The following CCDC148 variants were observed in gnomAD, a reference collection of about 807,000 sequenced individuals.
The protein encoded by CCDC148 is coiled-coil domain containing 148.
In CCDC148, 89 loss-of-function variants were observed where a neutral mutation model predicts 85.7. The observed-to-expected ratio is 1.04, with a 90% CI of 0.87 to 1.24. The LOEUF is 1.24. Among genes scored for constraint, CCDC148 ranks in the 50% most tolerant of loss-of-function variants. The probability of loss-of-function intolerance (pLI) is 0.00; values close to 1 mark genes in which losing one functional copy is unlikely to be tolerated. For missense variants in CCDC148, 692 were observed against 671.7 expected, an observed-to-expected ratio of 1.03 and a Z score of -0.33; for synonymous variants, 230 against 213.9, an observed-to-expected ratio of 1.08 and a Z score of -0.66.
At chr2:158,347,695 A>C (rs984826374) in intron 2 of CCDC148, among the ~76,000 whole-genome samples, 29 of 152,132 alleles carry the variant, frequency 1.9e-4, no homozygotes, top group Non-Finnish European at 1.5e-5. Flanking sequence ...GTGATGGTCC[A>C]AGATAATAAA....
chr2:158,295,199 C>A (rs1172183237), intron 9 of CCDC148, among the ~76,000 whole-genome samples: 1 of 151,918 alleles, frequency 6.6e-6, no homozygotes, highest in Non-Finnish European at 1.5e-5. Context: ...CTGAAGAGAC[C>A]AATAACAGGA....
intron 1 of CCDC148, among the ~76,000 whole-genome samples, chr2:158,450,882 AT>A (rs1316031242): frequency 1.3e-5 from 2 of 151,944 alleles, no homozygotes; most frequent in Admixed American, 6.6e-5. Context: ...TTCTTCAAAT[AT>A]TTTTTCTATA....
At chr2:158,216,479 C>T (rs1402666919) in intron 11 of CCDC148, among the ~76,000 whole-genome samples, 1 of 145,502 alleles carries the variant, frequency 6.9e-6, no homozygotes, top group South Asian at 2.2e-4. Flanking sequence ...TCACTGCAAC[C>T]TCCGCCTCCT....
At chr2:158,318,082 G>A (rs1261716421) in intron 7 of CCDC148, among the ~76,000 whole-genome samples, 1 of 152,032 alleles carries the variant, frequency 6.6e-6, no homozygotes, top group Non-Finnish European at 1.5e-5. Context: ...TTCTTTCCAA[G>A]ACAGAACCAT....
intron 11 of CCDC148, among the ~76,000 whole-genome samples, chr2:158,211,953 T>C (rs1271126300): frequency 2.0e-5 from 3 of 152,228 alleles, no homozygotes; most frequent in African/African-American, 7.2e-5. Flanking sequence ...TGTGTATCCA[T>C]GTCCCAATGT....
intron 9 of CCDC148, chr2:158,288,648 G>T: frequency 4.5e-6 from 1 of 222,518 alleles, no homozygotes; most frequent in South Asian, 5.0e-5. Flanking sequence ...AAAGTCTCTA[G>T]GAGGTTCCAA....
At chr2:158,343,395 T>G (rs1042744334) in intron 3 of CCDC148, among the ~76,000 whole-genome samples, 1 of 152,238 alleles carries the variant, frequency 6.6e-6, no homozygotes, top group African/African-American at 2.4e-5. Flanking sequence ...GATTCTCATC[T>G]GTAAAACTGA....
intron 11 of CCDC148, among the ~76,000 whole-genome samples, chr2:158,214,118 T>C (rs1686721215): frequency 1.2e-5 from 1 of 85,310 alleles, no homozygotes; most frequent in Non-Finnish European, 2.4e-5. Context: ...ATAAACATTG[T>C]GGTAAAAAAA....
chr2:158,242,025 CTTT>C (rs1688371586), intron 10 of CCDC148, among the ~76,000 whole-genome samples: 1 of 152,132 alleles, frequency 6.6e-6, no homozygotes, highest in East Asian at 1.9e-4. Context: ...AGATTCTTTG[CTTT>C]AAAGTGGATA....
At chr2:158,251,597 A>G (rs1461155865) in intron 9 of CCDC148, among the ~76,000 whole-genome samples, 3 of 151,868 alleles carry the variant, frequency 2.0e-5, no homozygotes, top group Non-Finnish European at 4.4e-5. Flanking sequence ...TGTGCACTAC[A>G]GTGCTGTTTA....
At chr2:158,408,749 TA>T (rs1392310784) in intron 1 of CCDC148, among the ~76,000 whole-genome samples, 1 of 152,092 alleles carries the variant, frequency 6.6e-6, no homozygotes, top group African/African-American at 2.4e-5. Context: ...TGAATACATA[TA>T]TTTTTTGAAT....
chr2:158,388,213 G>T (rs1574735942), intron 1 of CCDC148, among the ~76,000 whole-genome samples: 1 of 151,468 alleles, frequency 6.6e-6, no homozygotes, highest in Non-Finnish European at 1.5e-5. Flanking sequence ...CCTTAGAAAA[G>T]AAGCCAGTCA....
intron 1 of CCDC148, chr2:158,366,185 T>C: frequency 1.4e-6 from 1 of 695,782 alleles, no homozygotes; most frequent in Non-Finnish European, 2.2e-6. Flanking sequence ...CTGGGTGCCA[T>C]AATGCTTTTA....
intron 7 of CCDC148, among the ~76,000 whole-genome samples, chr2:158,330,999 T>G (rs1693078111): frequency 6.6e-6 from 1 of 152,188 alleles, no homozygotes; most frequent in South Asian, 2.1e-4. Context: ...TTTTTCTGTC[T>G]CTATTTCCTT....
At chr2:158,414,348 T>G (rs536726649) in intron 1 of CCDC148, among the ~76,000 whole-genome samples, 1 of 152,300 alleles carries the variant, frequency 6.6e-6, no homozygotes, top group Non-Finnish European at 1.5e-5. Context: ...AGCCAAGTCT[T>G]TATAGGATTC....
intron 10 of CCDC148, 142 bp from the exon 11 acceptor site, chr2:158,220,855 A>G (rs1326841026): frequency 1.3e-5 from 8 of 609,350 alleles, no homozygotes; most frequent in Admixed American, 9.9e-5. Flanking sequence ...AGATATGCTT[A>G]TAATACATTG....
chr2:158,386,733 G>T (rs1451429881), intron 1 of CCDC148, among the ~76,000 whole-genome samples: 1 of 151,826 alleles, frequency 6.6e-6, no homozygotes, highest in Non-Finnish European at 1.5e-5. Flanking sequence ...AATACCTAGG[G>T]CCCCTGAAGT....
intron 1 of CCDC148, among the ~76,000 whole-genome samples, chr2:158,404,839 TCAAC>T (rs1685932831): frequency 6.6e-6 from 1 of 152,076 alleles, no homozygotes; most frequent in African/African-American, 2.4e-5. Flanking sequence ...TTCCAGCAAA[TCAAC>T]CAATCCATTC....
At chr2:158,281,344 T>C (rs897309118) in intron 9 of CCDC148, among the ~76,000 whole-genome samples, 1 of 151,986 alleles carries the variant, frequency 6.6e-6, no homozygotes, top group African/African-American at 2.4e-5. Context: ...CAGGAGCTGG[T>C]TTCTTGAAAG....
Sources: allele counts gnomAD v4.1 joint callset (sites outside exome capture counted in the v4.1 genomes callset), GRCh38; gene constraint gnomAD v4.1.1; transcripts MANE v1.5; gene names NCBI Gene and HGNC (gene_info 2026-07-23, HGNC 2026-07-21).